Variants in BTBD7 observed in about 807,000 individuals in gnomAD.
The protein encoded by BTBD7 is BTB domain containing 7, also known as BTB/POZ domain-containing protein 7.
BTBD7 carries 38 observed loss-of-function variants against 99.9 expected under a neutral mutation model. The ratio of observed to expected loss-of-function variants is 0.38; its 90% CI spans 0.29 to 0.50. BTBD7 has a LOEUF of 0.50. BTBD7 is among the 20% of genes least tolerant of loss of function. BTBD7 has a pLI of 0.93. For synonymous variants in BTBD7, 520 were observed against 511.4 expected (o/e 1.02, Z -0.23); for missense variants, 1,170 against 1,394.6 (o/e 0.84, Z 2.57).
intron 1 of BTBD7, among the ~76,000 whole-genome samples, chr14:93,324,013 C>T (rs2053299617): frequency 1.3e-5 from 2 of 152,262 alleles, no homozygotes; most frequent in South Asian, 2.1e-4. Flanking sequence ...AATTATAATA[C>T]AGGGCAATAA....
chr14:93,242,445 G>C lies in BTBD7; in HGVS notation c.3227C>G (p.Ser1076Cys). 6.2e-7 allele frequency: 1 copy of C among 1,614,238 alleles called. No individual in the cohort carries two copies. ...TTCGGGAGCTTCAGAGCTACATGCA[G>C]AAAGTGAAGGTCTGTTAGGAGTCAG... ...FGLTPNRPSL[S>C]ACSSEAPEER... The change falls in exon 11 of 11, where the codon TCT becomes TGT. Residue 1076 changes from serine to cysteine, a missense_variant. Physicochemically the swap from Ser to Cys is moderately radical, Grantham distance 112 (BLOSUM62 -1). Transcript: ENST00000334746.
intron 3 of BTBD7, among the ~76,000 whole-genome samples, chr14:93,289,536 C>G (rs187201213): frequency 6.6e-6 from 1 of 152,336 alleles, no homozygotes; most frequent in African/African-American, 2.4e-5. Flanking sequence ...AATCAAGTCT[C>G]TATCTGCTTT....
At chr14:93,330,272 G>A (rs1220024293) in intron 1 of BTBD7, among the ~76,000 whole-genome samples, 1 of 152,140 alleles carries the variant, frequency 6.6e-6, no homozygotes, top group African/African-American at 2.4e-5. Context: ...ACTGACTAAA[G>A]TTTCCTAACG....
At chr14:93,288,600 C>T in intron 3 of BTBD7, 1 of 979,118 alleles carries the variant, frequency 1.0e-6, no homozygotes, top group African/African-American at 1.6e-5. Context: ...GGAAGCTTTC[C>T]TCAAATGTCC....
In BTBD7 at chr14:93,243,102, C is replaced by A; in HGVS notation, c.2584-14G>T. 6.3e-7 allele frequency: 1 copy of A among 1,593,566 alleles called. No homozygotes were observed. The highest frequency in any genetic ancestry group is 8.6e-7 in the Non-Finnish European group (1 of 1,167,124). On this transcript the variant is annotated splice_polypyrimidine_tract_variant and intron_variant, in intron 10 of 10. Coordinates refer to ENST00000334746, the MANE Select transcript of BTBD7 (RefSeq NM_001002860.4). ...AGGTTGTGTTCGCTGCAGACAGAGA[C>A]AAAAATGGTGGGAGGGTTAAAAAAA...
intron 1 of BTBD7, among the ~76,000 whole-genome samples, chr14:93,323,662 A>G (rs1046548378): frequency 1.6e-4 from 25 of 152,348 alleles, no homozygotes; most frequent in African/African-American, 6.0e-4. Context: ...CTCCTTCCGT[A>G]AAGGACTACA....
At chr14:93,251,199 C>A (rs1419014890) in intron 8 of BTBD7, among the ~76,000 whole-genome samples, 1 of 152,240 alleles carries the variant, frequency 6.6e-6, no homozygotes, top group Non-Finnish European at 1.5e-5. Context: ...TCTCCATTAA[C>A]AGAATAATCC....
intron 3 of BTBD7, among the ~76,000 whole-genome samples, chr14:93,276,988 G>A (rs148739726): frequency 0.016 from 2,098 of 133,832 alleles, 22 homozygotes; most frequent in Middle Eastern, 0.042. Flanking sequence ...TGCAACCTCT[G>A]CCTCCCGGGT....
At position 93,296,935 on chromosome 14, in the gene BTBD7, A is replaced by C. The variant is rs576633734; in HGVS notation, c.-106-778T>G. ...AAACTTAACTCTCAGAGCTGCTAGC[A>C]AGAGATTTATGCAAAAAAGAAAATC... On this transcript the variant is annotated intron_variant, in intron 1 of 10. Transcript: ENST00000334746. 4.7e-3 allele frequency among the ~76,000 whole-genome samples: 721 copies of C among 152,362 alleles called. 4 individuals carry two copies. Among genetic ancestry groups the C allele is most frequent in the African/African-American group, 0.016 (675 of 41,586 alleles).
chr14:93,274,159 A>G (rs2052630416), intron 3 of BTBD7, among the ~76,000 whole-genome samples: 1 of 152,220 alleles, frequency 6.6e-6, no homozygotes, highest in Admixed American at 6.5e-5. Context: ...TCTAGTTTCA[A>G]TCTCTTCCAT....
intron 1 of BTBD7, among the ~76,000 whole-genome samples, chr14:93,309,418 A>G (rs1002016515): frequency 6.6e-6 from 1 of 151,398 alleles, no homozygotes; most frequent in Admixed American, 6.6e-5. Context: ...GAAAAAAAAA[A>G]AAAAAAGAGT....
intron 3 of BTBD7, among the ~76,000 whole-genome samples, chr14:93,269,045 C>T (rs1254473656): frequency 1.3e-5 from 2 of 152,166 alleles, no homozygotes; most frequent in African/African-American, 4.8e-5. Context: ...AGGTGTAAGC[C>T]ACTGCACCCA....
rs774582032 is a variant in BTBD7 at position 93,261,661 on chromosome 14, A to G, written c.1388T>C (p.Ile463Thr). ...SDYLQASEQD[I>T]LKYLIKWGEH... ...TCCCCATTTAATCAGATATTTAAGGATATCTTGTTCACTTGCCTATAATAA... is the reference window on the plus strand; with the variant it reads ...TCCCCATTTAATCAGATATTTAAGGGTATCTTGTTCACTTGCCTATAATAA... Residue 463 changes from isoleucine to threonine, a missense_variant, in exon 5 of 11, where the codon ATC becomes ACC. By Grantham distance (89) the Ile-to-Thr change is moderately conservative. Transcript: ENST00000334746. 1.2e-6 allele frequency: 2 copies of G among 1,610,060 alleles called. No homozygotes were observed. The highest frequency in any genetic ancestry group is 1.7e-6 in the Non-Finnish European group (2 of 1,177,640).
chr14:93,246,350 T>C lies in BTBD7; in HGVS notation c.2122-64A>G, dbSNP rs180859559. ...AGCAGATTTCATAAGTGGAAATTTA[T>C]AGGCTGAGAGAATTAAGTGAGGTAC... On this transcript the variant is annotated intron_variant, in intron 9 of 10. Coordinates refer to ENST00000334746, the MANE Select transcript of BTBD7 (RefSeq NM_001002860.4). The C allele has an allele frequency of 2.5e-4, 364 of 1,437,750 alleles. 1 individual carries two copies. In the East Asian group the frequency reaches 7.9e-3, roughly 31 times the overall value. The allele number at this position is 1,437,750 out of a possible 1,614,324, so 89.1% of individuals were successfully genotyped here. A position where few individuals can be genotyped will look rare whatever the true frequency, so the allele number is the denominator to read the frequency against.
At position 93,257,712 on chromosome 14, in the gene BTBD7, A is replaced by G. The variant is rs142071463; in HGVS notation, c.1448-357T>C. Among the ~76,000 whole-genome samples the G allele has an allele frequency of 2.9e-3, 436 of 152,348 alleles. 1 individual carries two copies. The highest frequency in any genetic ancestry group is 4.8e-3 in the Admixed American group (74 of 15,290). On this transcript the variant is annotated intron_variant, in intron 5 of 10. Coordinates refer to ENST00000334746, the MANE Select transcript of BTBD7 (RefSeq NM_001002860.4). ...CTCACTTTTGTGACCAGTGTTTAGTAGTATAAGGTCATTGTAGAGCATATG... is the reference window on the plus strand; with the variant it reads ...CTCACTTTTGTGACCAGTGTTTAGTGGTATAAGGTCATTGTAGAGCATATG...
At chr14:93,267,736 T>A (rs995868905) in intron 3 of BTBD7, among the ~76,000 whole-genome samples, 4 of 152,220 alleles carry the variant, frequency 2.6e-5, no homozygotes, top group African/African-American at 9.6e-5. Flanking sequence ...CGGATGCCCA[T>A]ATCCAATCTA....
chr14:93,311,627 T>A (rs2053138856), intron 1 of BTBD7, among the ~76,000 whole-genome samples: 1 of 152,174 alleles, frequency 6.6e-6, no homozygotes, highest in South Asian at 2.1e-4. Context: ...TTCTCACATA[T>A]GAAAACCCTC....
At chr14:93,300,704 TTG>T (rs57228905) in intron 1 of BTBD7, among the ~76,000 whole-genome samples, 1,143 of 86,904 alleles carry the variant, frequency 0.013, 12 homozygotes, top group Non-Finnish European at 0.019. Context: ...CCCAGCTAAT[TTG>T]TGTGTGTGTG....
chr14:93,258,206 T>TGC (rs541899557), intron 5 of BTBD7, among the ~76,000 whole-genome samples: 2 of 151,220 alleles, frequency 1.3e-5, no homozygotes, highest in Non-Finnish European at 2.9e-5. Context: ...AAATCGTGTG[T>TGC]GTGTGTGTGT....
Sources: allele counts gnomAD v4.1 joint callset (sites outside exome capture counted in the v4.1 genomes callset), GRCh38; gene constraint gnomAD v4.1.1; transcripts MANE v1.5; gene names NCBI Gene and HGNC (gene_info 2026-07-23, HGNC 2026-07-21).